CCDC138: variants seen among roughly 807,000 people sequenced by gnomAD.
CCDC138 encodes coiled-coil domain containing 138, also known as coiled-coil domain-containing protein 138.
CCDC138 carries 66 observed loss-of-function variants against 82.3 expected under a neutral mutation model. The ratio of observed to expected loss-of-function variants is 0.80; its 90% CI spans 0.66 to 0.98. The LOEUF is 0.98. CCDC138 is among the 50% of genes least tolerant of loss of function. The probability of loss-of-function intolerance (pLI) is 0.00; values close to 1 mark genes in which losing one functional copy is unlikely to be tolerated. For missense variants in CCDC138, 816 were observed against 758.9 expected, an observed-to-expected ratio of 1.08 and a Z score of -0.88; for synonymous variants, 297 against 265.4, an observed-to-expected ratio of 1.12 and a Z score of -1.16.
At chr2:108,878,572 A>G (rs2105340460), downstream of CCDC138, 1 of 191,542 alleles carries the variant, frequency 5.2e-6, no homozygotes, top group South Asian at 1.1e-4. Context: ...GATATGTTTT[A>G]TCGGGAAAAT....
chr2:108,882,103 A>G (rs1184710366), intron 1 of CCDC138: 31 of 152,330 alleles, frequency 2.0e-4, no homozygotes, highest in Admixed American at 1.8e-3. Flanking sequence ...GCAGTGAGCT[A>G]TGATCACACC....
At chr2:108,859,158 G>A (rs1693149135) in intron 13 of CCDC138, among the ~76,000 whole-genome samples, 1 of 152,182 alleles carries the variant, frequency 6.6e-6, no homozygotes. Context: ...GATTAGTGAT[G>A]TTGAGCATTT....
At chr2:108,793,724 G>A (rs540887475) in intron 4 of CCDC138, among the ~76,000 whole-genome samples, 2 of 151,782 alleles carry the variant, frequency 1.3e-5, no homozygotes, top group Non-Finnish European at 2.9e-5. Context: ...AGCCTCCCGA[G>A]TAGCTGGGAC....
chr2:108,820,403 G>A (rs1685482639), intron 10 of CCDC138, among the ~76,000 whole-genome samples: 1 of 151,944 alleles, frequency 6.6e-6, no homozygotes, highest in South Asian at 2.1e-4. Context: ...AGAAGGAGGA[G>A]AGAGCTTATT....
chr2:108,825,320 C>A lies in CCDC138; in HGVS notation c.1206+9215C>A, dbSNP rs570043031. 6.6e-5 allele frequency among the ~76,000 whole-genome samples: 10 copies of A among 151,940 alleles called. No homozygotes were observed. In the South Asian group the frequency reaches 2.1e-3, roughly 32 times the overall value. On this transcript the variant is annotated intron_variant, in intron 10 of 14. Coordinates refer to ENST00000295124, the MANE Select transcript of CCDC138 (RefSeq NM_144978.3). ...GTAACAGCTTTATTGAGATATAATT[C>A]ACATATACAAGTAGCATTTTAACTG...
intron 6 of CCDC138, among the ~76,000 whole-genome samples, chr2:108,800,933 C>T (rs1681849626): frequency 8.8e-6 from 1 of 114,066 alleles, no homozygotes; most frequent in Non-Finnish European, 1.8e-5. Context: ...CAGTTTCATC[C>T]ATGTCCCTAC....
At chr2:108,823,611 T>C (rs1322329230) in intron 10 of CCDC138, among the ~76,000 whole-genome samples, 8 of 152,218 alleles carry the variant, frequency 5.3e-5, no homozygotes, top group Admixed American at 5.2e-4. Context: ...TCTTAGGCAG[T>C]TGTAACACAA....
intron 14 of CCDC138, 173 bp from the exon 15 acceptor site, chr2:108,875,915 T>G (rs951086826): frequency 6.2e-6 from 1 of 160,822 alleles, no homozygotes; most frequent in Non-Finnish European, 1.3e-5. Context: ...GTTTATCTCA[T>G]AAAACCTATT....
chr2:108,821,029 G>GT (rs1685606148), intron 10 of CCDC138, among the ~76,000 whole-genome samples: 1 of 150,802 alleles, frequency 6.6e-6, no homozygotes, highest in South Asian at 2.1e-4. Context: ...AAAAAAAACT[G>GT]TAAGTCTATG....
At chr2:108,819,065 A>G (rs1466580260) in intron 10 of CCDC138, among the ~76,000 whole-genome samples, 2 of 152,228 alleles carry the variant, frequency 1.3e-5, no homozygotes, top group Non-Finnish European at 2.9e-5. Context: ...AAATTTGGCT[A>G]TAAGACTAAC....
chr2:108,820,534 C>CG (rs148803807), intron 10 of CCDC138, among the ~76,000 whole-genome samples: 1,535 of 152,088 alleles, frequency 0.01, 16 homozygotes, highest in Non-Finnish European at 0.013. Context: ...CCCCCTCTAA[C>CG]ATACATTATA....
chr2:108,816,095 A>C lies in CCDC138; in HGVS notation c.1196A>C (p.Lys399Thr), dbSNP rs1416660759. 1 of 1,608,410 alleles carries C rather than the reference A, an allele frequency of 6.2e-7. No individual in the cohort carries two copies. The highest frequency in any genetic ancestry group is 8.5e-7 in the Non-Finnish European group (1 of 1,176,836). The change falls in exon 10 of 15, where the codon AAG becomes ACG. Residue 399 changes from lysine to threonine, a missense_variant. By Grantham distance (78) the Lys-to-Thr change is moderately conservative. Transcript: ENST00000295124. ...FASQRNDIQE[K>T]CVKLLPLMTE... The stretch of plus-strand genomic sequence containing the variant: ...TCCCAGAGAAATGATATTCAGGAGA[A>C]GTGTGTAAAGGTTTGTTTTTTAATT...
chr2:108,843,876 G>GTGTGTGTGTGTT (rs1187530203), intron 11 of CCDC138, among the ~76,000 whole-genome samples: 1,008 of 13,784 alleles, frequency 0.073, 20 homozygotes, highest in South Asian at 0.35. Context: ...GTGTGTGTGT[G>GTGTGTGTGTGTT]TGTTTCTTTC....
chr2:108,863,253 A>C (rs1016455539), intron 13 of CCDC138, among the ~76,000 whole-genome samples: 20 of 152,230 alleles, frequency 1.3e-4, no homozygotes, highest in Admixed American at 9.8e-4. Context: ...TTATAGATGC[A>C]ATATTTCTAA....
At chr2:108,841,950 A>G (rs1352405237) in intron 11 of CCDC138, among the ~76,000 whole-genome samples, 4 of 152,004 alleles carry the variant, frequency 2.6e-5, no homozygotes. Context: ...ATTTGTTTTA[A>G]TTTAGGATCT....
chr2:108,866,825 G>A (rs1436271713), intron 13 of CCDC138, among the ~76,000 whole-genome samples: 7 of 151,842 alleles, frequency 4.6e-5, no homozygotes, highest in Admixed American at 4.6e-4. Flanking sequence ...GGAGTTTGCA[G>A]TGAGCCGAGA....
chr2:108,807,879 G>C (rs1263101982), intron 7 of CCDC138, among the ~76,000 whole-genome samples: 4 of 152,194 alleles, frequency 2.6e-5, no homozygotes, highest in Non-Finnish European at 4.4e-5. Context: ...GAAGTGCTCG[G>C]ATTACAGGCC....
intron 13 of CCDC138, among the ~76,000 whole-genome samples, chr2:108,863,274 A>G (rs1191595493): frequency 6.6e-6 from 1 of 152,220 alleles, no homozygotes; most frequent in South Asian, 2.1e-4. Flanking sequence ...CAAAGCACCA[A>G]CCTAATCCTA....
chr2:108,873,081 TG>T (rs1443188303), intron 13 of CCDC138, among the ~76,000 whole-genome samples: 1 of 152,200 alleles, frequency 6.6e-6, no homozygotes, highest in Non-Finnish European at 1.5e-5. Flanking sequence ...ATTTGTTTTT[TG>T]TTTTTTTAAT....
Sources: allele counts gnomAD v4.1 joint callset (sites outside exome capture counted in the v4.1 genomes callset), GRCh38; gene constraint gnomAD v4.1.1; transcripts MANE v1.5; gene names NCBI Gene and HGNC (gene_info 2026-07-23, HGNC 2026-07-21).